The following SLC25A37 variants were observed in gnomAD, a reference collection of about 807,000 sequenced individuals.
SLC25A37 encodes mitoferrin-1.
A neutral mutation model predicts 31.0 loss-of-function variants in SLC25A37; 17 were observed. The ratio of observed to expected loss-of-function variants is 0.55; its 90% confidence interval spans 0.38 to 0.82. SLC25A37 has a LOEUF of 0.82. Ranked by LOEUF, SLC25A37 falls within the 40% of genes least tolerant of loss-of-function variation. The pLI, the probability that SLC25A37 is intolerant of heterozygous loss-of-function variation, is 0.00. For synonymous variants in SLC25A37, 222 were observed against 193.0 expected (o/e 1.15, Z -1.24); for missense variants, 404 against 465.8 (o/e 0.87, Z 1.22).
Position 23,571,504 on chromosome 8 carries a change from G to A in SLC25A37, c.666G>A (p.Leu222=), listed in dbSNP as rs755918691. ...TCCACTTCATCACCTATGAGTTCCTGCAGGAGCAGGTCAACCCCCACCGGA... is the reference window on the plus strand; with the variant it reads ...TCCACTTCATCACCTATGAGTTCCTACAGGAGCAGGTCAACCCCCACCGGA... ...QSIHFITYEF[L]QEQVNPHRTY... The change falls in exon 4 of 4, where the codon CTG becomes CTA. Residue 222 remains leucine (L), a synonymous_variant. Coordinates refer to ENST00000519973, the MANE Select transcript of SLC25A37 (RefSeq NM_016612.4). 6.2e-7 allele frequency: 1 copy of A among 1,613,930 alleles called. No individual in the cohort carries two copies. The highest frequency in any genetic ancestry group is 2.2e-5 in the East Asian group (1 of 44,852).
rs1801612614 is a variant in SLC25A37 at position 23,529,279 on chromosome 8, C to T, written c.210+67C>T. The T allele has an allele frequency of 2.7e-6, 4 of 1,465,298 alleles. No homozygotes were observed. The highest frequency in any genetic ancestry group is 2.5e-5 in the South Asian group (2 of 78,990). The allele number at this position is 1,465,298 out of a possible 1,614,324, so 90.8% of individuals were successfully genotyped here. On this transcript the variant is annotated intron_variant, in intron 1 of 3. Coordinates refer to ENST00000519973, the MANE Select transcript of SLC25A37 (RefSeq NM_016612.4). This position sits in a 1 kb window ranked among gnomAD's most constrained non-coding sequence, Gnocchi z 4.1. ...GGAGCGCGCGCGCGCATTTGCATCC[C>T]GCGCGCCGGCAGCCTCGGGGCAGCG...
In SLC25A37 at chr8:23,529,031, G is replaced by A. The variant is rs1373557747; in HGVS notation, c.29G>A (p.Ser10Asn). 6.5e-7 allele frequency: 1 copy of A among 1,548,882 alleles called. No homozygotes were observed. MELRSGSVG[S>N]QAVARRMDGD... ...GAGCTGCGCAGCGGGAGCGTGGGCA[G>A]CCAGGCGGTGGCGCGGAGGATGGAT... Residue 10 changes from serine (S) to asparagine (N), a missense_variant, in exon 1 of 4, where the codon AGC (serine) becomes AAC (asparagine). By Grantham distance (46) the Ser-to-Asn change is conservative (BLOSUM62 1). Coordinates refer to ENST00000519973, the MANE Select transcript of SLC25A37 (RefSeq NM_016612.4). This position sits in a 1 kb window ranked among gnomAD's most constrained non-coding sequence, Gnocchi z 4.1.
In SLC25A37 at chr8:23,572,322, A is replaced by G. The variant is rs1052130031; in HGVS notation, c.*467A>G. 7 of 149,958 alleles carry G rather than the reference A, an allele frequency of 4.7e-5. No homozygotes were observed. The highest frequency in any genetic ancestry group is 1.7e-4 in the African/African-American group (7 of 40,260). 9.3% of individuals were successfully genotyped at this position (149,958 alleles called of 1,614,324 possible). A position where few individuals can be genotyped will look rare whatever the true frequency, so the allele number is the denominator to read the frequency against. ...GTTTATCCTTTATTTTTCTATGTAG[A>G]AGTTTTTGAATTTGTGTGTGTGCTT... On this transcript the variant is annotated 3_prime_UTR_variant, in exon 4 of 4. Transcript: ENST00000519973.
intron 1 of SLC25A37, among the ~76,000 whole-genome samples, chr8:23,538,160 C>T (rs1394747181): frequency 6.6e-6 from 1 of 151,856 alleles, no homozygotes; most frequent in African/African-American, 2.4e-5. Flanking sequence ...GCGGGCAGAT[C>T]ACCTGAGGTC....
intron 1 of SLC25A37, among the ~76,000 whole-genome samples, chr8:23,554,444 T>C (rs1802312155): frequency 6.6e-6 from 1 of 152,204 alleles, no homozygotes; most frequent in Non-Finnish European, 1.5e-5. Flanking sequence ...TGTCTCGCAG[T>C]GAGGTCACCA....
At chr8:23,564,695 G>T (rs1802604285) in intron 1 of SLC25A37, among the ~76,000 whole-genome samples, 1 of 152,178 alleles carries the variant, frequency 6.6e-6, no homozygotes, top group Admixed American at 6.5e-5. Context: ...ACTTGGGTTT[G>T]TAAGACCAGC....
intron 1 of SLC25A37, among the ~76,000 whole-genome samples, chr8:23,532,597 T>G (rs1267765796): frequency 6.6e-6 from 1 of 152,206 alleles, no homozygotes; most frequent in Non-Finnish European, 1.5e-5. Context: ...AGGAAAGATT[T>G]GAAGCCGGGG....
intron 1 of SLC25A37, among the ~76,000 whole-genome samples, chr8:23,552,812 C>T (rs2928672): frequency 0.43 from 64,666 of 151,982 alleles, 14,113 homozygotes; most frequent in East Asian, 0.55. Context: ...GGAGCCCGGG[C>T]AAGTCTAACT....
Position 23,571,853 on chromosome 8 carries a change from TAA to T in SLC25A37, c.1017_*1del. The T allele has an allele frequency of 6.2e-7, 1 of 1,608,682 alleles. No homozygotes were observed. The highest frequency in any genetic ancestry group is 2.2e-5 in the East Asian group (1 of 44,730). On this transcript the variant is annotated frameshift_variant and stop_lost, in exon 4 of 4. Transcript: ENST00000519973. LOFTEE classifies it high-confidence loss of function. Reference protein sequence around the residue: ...KRQLENRAPY* With the variant: ...KRQLENRAPYX Reference sequence around the variant, plus strand: ...CCAGCTGGAAAATCGAGCTCCATACTAAAGGAAGGGATCATAGAATCTTTTCT... The same window carrying T: ...CCAGCTGGAAAATCGAGCTCCATACTAGGAAGGGATCATAGAATCTTTTCT...
intron 1 of SLC25A37, among the ~76,000 whole-genome samples, chr8:23,544,975 A>G (rs887499247): frequency 2.0e-5 from 3 of 152,224 alleles, no homozygotes; most frequent in Admixed American, 6.5e-5. Context: ...AAGGGAGGCT[A>G]AGCGGTCACA....
chr8:23,559,479 T>G (rs1436859486), intron 1 of SLC25A37, among the ~76,000 whole-genome samples: 1 of 152,210 alleles, frequency 6.6e-6, no homozygotes, highest in East Asian at 1.9e-4. Flanking sequence ...TTTTAAAAAT[T>G]GTAGTAAAAT....
chr8:23,538,513 G>T (rs764145616), intron 1 of SLC25A37, among the ~76,000 whole-genome samples: 1 of 148,700 alleles, frequency 6.7e-6, no homozygotes, highest in Non-Finnish European at 1.5e-5. Flanking sequence ...TCTTGGCTCC[G>T]TTGTTTGTCG....
At chr8:23,542,440 G>A (rs908629921) in intron 1 of SLC25A37, among the ~76,000 whole-genome samples, 3 of 143,244 alleles carry the variant, frequency 2.1e-5, no homozygotes, top group Admixed American at 7.4e-5. Flanking sequence ...GCGAAGTGGC[G>A]CGATCTCGGC....
intron 1 of SLC25A37, among the ~76,000 whole-genome samples, chr8:23,555,093 T>C (rs1802327602): frequency 6.6e-6 from 1 of 152,116 alleles, no homozygotes; most frequent in East Asian, 1.9e-4. Context: ...TGAGGCTGCT[T>C]CTCTACCCTC....
intron 1 of SLC25A37, among the ~76,000 whole-genome samples, chr8:23,546,506 T>C (rs916419104): frequency 3.7e-5 from 4 of 107,616 alleles, no homozygotes; most frequent in African/African-American, 1.9e-4. Flanking sequence ...TGTATATATA[T>C]ATATAGGTAT....
Position 23,571,771 on chromosome 8 carries a change from C to T in SLC25A37, c.933C>T (p.Pro311=), listed in dbSNP as rs377491667. The T allele has an allele frequency of 7.4e-6, 12 of 1,613,948 alleles. No individual in the cohort carries two copies. The highest frequency in any genetic ancestry group is 1.0e-5 in the Non-Finnish European group (12 of 1,179,916). Residue 311 remains proline (P), a synonymous_variant, in exon 4 of 4, where the codon CCC becomes CCT. Coordinates refer to ENST00000519973, the MANE Select transcript of SLC25A37 (RefSeq NM_016612.4). ...AGGCGCGTGTCATCTACCAGATGCC[C>T]TCCACCGCCATTTCTTGGTCTGTCT... is the stretch of plus-strand genomic sequence containing the variant. ...GIQARVIYQM[P]STAISWSVYE...
In SLC25A37 at chr8:23,566,323, C is replaced by A; in HGVS notation, c.426C>A (p.Ser142Arg). ...LNDVFHHQGN[S>R]HLANGIAGSM... The stretch of plus-strand genomic sequence containing the variant: ...ACGTTTTCCACCACCAAGGAAACAG[C>A]CACCTAGCCAACGGTATTTTGAAAG... The change falls in exon 2 of 4, where the codon AGC becomes AGA. Residue 142 changes from serine (S) to arginine (R), a missense_variant. Transcript: ENST00000519973. The A allele has an allele frequency of 1.3e-6, 2 of 1,592,858 alleles. 1 individual carries two copies. Among genetic ancestry groups the A allele is most frequent in the South Asian group, 2.3e-5 (2 of 86,742 alleles).
Position 23,571,646 on chromosome 8 carries a change from C to T in SLC25A37, c.808C>T (p.Leu270Phe), listed in dbSNP as rs1365949808. Reference sequence around the variant, plus strand: ...TCTGAACACTCAGGAGAACGTGGCCCTCTCGCTGGCCAACATCAGCGGCCG... The same window carrying T: ...TCTGAACACTCAGGAGAACGTGGCCTTCTCGCTGGCCAACATCAGCGGCCG... ...TLLNTQENVA[L>F]SLANISGRLS... Residue 270 changes from leucine to phenylalanine, a missense_variant, in exon 4 of 4, where the codon CTC becomes TTC. Leu to Phe is a conservative substitution (Grantham distance 22). Transcript: ENST00000519973. 6.2e-7 allele frequency: 1 copy of T among 1,613,844 alleles called. No homozygotes were observed.
chr8:23,555,308 T>C (rs1284100833), intron 1 of SLC25A37, among the ~76,000 whole-genome samples: 1 of 152,244 alleles, frequency 6.6e-6, no homozygotes, highest in Non-Finnish European at 1.5e-5. Context: ...GTGACAGCTC[T>C]AATTCTTACA....
Sources: allele counts gnomAD v4.1 joint callset (sites outside exome capture counted in the v4.1 genomes callset), GRCh38; gene constraint gnomAD v4.1.1; non-coding constraint Gnocchi (gnomAD v3.1); transcripts MANE v1.5; gene names NCBI Gene and HGNC (gene_info 2026-07-23, HGNC 2026-07-21).